The following KIF26B variants were observed in gnomAD, a reference collection of about 807,000 sequenced individuals.
KIF26B encodes kinesin family member 26B.
In KIF26B, 63 loss-of-function variants were observed where a neutral mutation model predicts 151.2. That is an observed-to-expected ratio of 0.42 (90% CI 0.34 to 0.51). KIF26B has a LOEUF of 0.51. Ranked by LOEUF, KIF26B falls within the 20% of genes least tolerant of loss-of-function variation. The pLI is 0.07. For missense variants in KIF26B, 2,813 were observed against 2,913.6 expected (o/e 0.97, Z 0.79); for synonymous variants, 1,357 against 1,262.1 (o/e 1.08, Z -1.59).
rs189930720 is a variant in KIF26B at position 245,280,399 on chromosome 1, C to T, written c.466-86435C>T. On this transcript the variant is annotated intron_variant, in intron 2 of 14. Transcript: ENST00000407071. ...AAAAAAAATTAGCAGGGCATAGTGG[C>T]GGGCGCCTATACTCCCAGTTGCTCG... is the stretch of plus-strand genomic sequence containing the variant. 4.7e-3 allele frequency among the ~76,000 whole-genome samples: 693 copies of T among 148,980 alleles called. 8 individuals carry two copies. The highest frequency in any genetic ancestry group is 0.016 in the African/African-American group (649 of 40,650).
intron 4 of KIF26B, among the ~76,000 whole-genome samples, chr1:245,467,444 T>G (rs1659819955): frequency 6.6e-6 from 1 of 152,168 alleles, no homozygotes; most frequent in African/African-American, 2.4e-5. Flanking sequence ...GGTCTTCTTC[T>G]ATCAGTGAAG....
chr1:245,488,253 T>A lies in KIF26B; in HGVS notation c.1167-52514T>A, dbSNP rs973735956. On this transcript the variant is annotated intron_variant, in intron 4 of 14. Coordinates refer to ENST00000407071, the MANE Select transcript of KIF26B (RefSeq NM_018012.4). This position sits in a 1 kb window ranked among gnomAD's most constrained non-coding sequence, Gnocchi z 4.6. ...ACTTTCCACTGGTACACTGTCTTCA[T>A]TGCTTTGATAGCAACTTTTAGGCTC... Among the ~76,000 whole-genome samples, 1 of 152,076 alleles carries A rather than the reference T, an allele frequency of 6.6e-6. No homozygotes were observed. Among genetic ancestry groups the A allele is most frequent in the Non-Finnish European group, 1.5e-5 (1 of 68,008 alleles).
At chr1:245,425,134 C>T (rs1182397585) in intron 4 of KIF26B, among the ~76,000 whole-genome samples, 1 of 148,916 alleles carries the variant, frequency 6.7e-6, no homozygotes, top group Non-Finnish European at 1.5e-5. Flanking sequence ...ATTAGATTTT[C>T]CCATTTGCTG....
At chr1:245,464,602 G>T (rs1181747805) in intron 4 of KIF26B, among the ~76,000 whole-genome samples, 1 of 148,274 alleles carries the variant, frequency 6.7e-6, no homozygotes, top group African/African-American at 2.5e-5. Context: ...GGTGTGTGCT[G>T]TGCGTGTGGG....
intron 12 of KIF26B, among the ~76,000 whole-genome samples, chr1:245,690,788 C>G (rs2147961310): frequency 6.6e-6 from 1 of 152,130 alleles, no homozygotes; most frequent in South Asian, 2.1e-4. Flanking sequence ...CTCTGCTTTA[C>G]TTCACCCCTC....
chr1:245,468,513 C>T (rs1258469984), intron 4 of KIF26B, among the ~76,000 whole-genome samples: 2 of 152,176 alleles, frequency 1.3e-5, no homozygotes, highest in Admixed American at 6.5e-5. Context: ...AAGAATGGAA[C>T]CATTGCACAA....
chr1:245,664,542 CTTAA>C (rs977174160), intron 10 of KIF26B, among the ~76,000 whole-genome samples: 1 of 151,970 alleles, frequency 6.6e-6, no homozygotes, highest in Non-Finnish European at 1.5e-5. Flanking sequence ...AAAAGGGACA[CTTAA>C]TTATTATTAT....
At position 245,156,584 on chromosome 1, in the gene KIF26B, C is replaced by T. The variant is rs1487147636; in HGVS notation, c.366C>T (p.Gly122=). ...GCAGCGGCGGCGGCTCCTCCCCCGGCTCGGACCGCGGCGTCTGGTGCGAGA... is the reference window on the plus strand; with the variant it reads ...GCAGCGGCGGCGGCTCCTCCCCCGGTTCGGACCGCGGCGTCTGGTGCGAGA... ...GSGSGGGSSP[G]SDRGVWCENC... The change falls in exon 2 of 15, where the codon GGC becomes GGT. Residue 122 remains glycine, a synonymous_variant. Transcript: ENST00000407071. 4 of 1,528,264 alleles carry T rather than the reference C, an allele frequency of 2.6e-6. No homozygotes were observed. In the Admixed American group the frequency reaches 5.9e-5, roughly 23 times the overall value. 94.7% of individuals were successfully genotyped at this position (1,528,264 alleles called of 1,614,324 possible).
At chr1:245,486,489 T>C (rs760659059) in intron 4 of KIF26B, among the ~76,000 whole-genome samples, 10 of 152,172 alleles carry the variant, frequency 6.6e-5, no homozygotes, top group Non-Finnish European at 7.3e-5. Context: ...ATATATACTA[T>C]CTCATTAGTG....
At chr1:245,505,573 C>T (rs972254559) in intron 4 of KIF26B, among the ~76,000 whole-genome samples, 2 of 152,044 alleles carry the variant, frequency 1.3e-5, no homozygotes, top group African/African-American at 2.4e-5. Flanking sequence ...GTAGTAGAGA[C>T]GGGGTTTCAC....
intron 2 of KIF26B, among the ~76,000 whole-genome samples, chr1:245,157,295 C>T (rs1008552520): frequency 1.3e-5 from 2 of 152,228 alleles, no homozygotes; most frequent in African/African-American, 2.4e-5. Flanking sequence ...GCAACCCTGC[C>T]CGCAGTGTGT....
chr1:245,183,860 G>A (rs1014779154), intron 2 of KIF26B, among the ~76,000 whole-genome samples: 1 of 151,942 alleles, frequency 6.6e-6, no homozygotes, highest in East Asian at 1.9e-4. Context: ...AGCCATAATG[G>A]CACCAGGGCA....
intron 3 of KIF26B, among the ~76,000 whole-genome samples, chr1:245,418,818 C>T (rs560557371): frequency 1.3e-5 from 2 of 152,280 alleles, no homozygotes; most frequent in African/African-American, 4.8e-5. Flanking sequence ...TGTATTTCTA[C>T]ACAACATCCT....
intron 2 of KIF26B, among the ~76,000 whole-genome samples, chr1:245,211,169 C>T (rs970495337): frequency 2.8e-4 from 42 of 152,140 alleles, no homozygotes; most frequent in African/African-American, 9.7e-4. Context: ...CCAGCCAAAC[C>T]GGGATCTGGT....
At chr1:245,651,532 G>A (rs958992344) in intron 10 of KIF26B, among the ~76,000 whole-genome samples, 2 of 143,720 alleles carry the variant, frequency 1.4e-5, no homozygotes, top group Admixed American at 1.4e-4. Flanking sequence ...CAGTACTCAA[G>A]GTCTGGGAAG....
In KIF26B at chr1:245,241,624, G is replaced by A. The variant is rs966208405; in HGVS notation, c.465+84941G>A. ...ATGGCCTCAGGAGACAGTGACTCAC[G>A]CTGTGTCCACCTGTGTCATCCTGTG... On this transcript the variant is annotated intron_variant, in intron 2 of 14. Coordinates refer to ENST00000407071, the MANE Select transcript of KIF26B (RefSeq NM_018012.4). This position sits in a 1 kb window ranked among gnomAD's most constrained non-coding sequence, Gnocchi z 5.0. 2.6e-5 allele frequency among the ~76,000 whole-genome samples: 4 copies of A among 152,128 alleles called. No individual in the cohort carries two copies. The highest frequency in any genetic ancestry group is 4.4e-5 in the Non-Finnish European group (3 of 68,028).
rs986489075 is a variant in KIF26B at position 245,705,186 on chromosome 1, T to C, written c.*2580T>C. On this transcript the variant is annotated 3_prime_UTR_variant, in exon 15 of 15. Coordinates refer to ENST00000407071, the MANE Select transcript of KIF26B (RefSeq NM_018012.4). ...TAGCAAGTCAGACTCCTTCCCAAGA[T>C]GGCAATCACAGAACACCTCGCAGGA... The C allele has an allele frequency of 6.6e-6, 1 of 152,212 alleles. No individual in the cohort carries two copies. The highest frequency in any genetic ancestry group is 2.4e-5 in the African/African-American group (1 of 41,458). 9.4% of individuals were successfully genotyped at this position (152,212 alleles called of 1,614,324 possible).
At chr1:245,332,763 A>T (rs1297903901) in intron 2 of KIF26B, among the ~76,000 whole-genome samples, 6 of 152,210 alleles carry the variant, frequency 3.9e-5, no homozygotes, top group Admixed American at 1.3e-4. Context: ...GCTTCCGTTC[A>T]TGGCTCATAA....
At chr1:245,441,242 G>A (rs980424040) in intron 4 of KIF26B, among the ~76,000 whole-genome samples, 1 of 152,170 alleles carries the variant, frequency 6.6e-6, no homozygotes, top group African/African-American at 2.4e-5. Context: ...GGAAGGAGCT[G>A]AGTGTGGAAT....
Sources: gnomAD v4.1 joint callset for allele counts (sites outside exome capture counted in the v4.1 genomes callset) on GRCh38, gnomAD v4.1.1 for gene constraint, Gnocchi (gnomAD v3.1) non-coding constraint, MANE v1.5 for transcripts, NCBI Gene and HGNC (gene_info 2026-07-23, HGNC 2026-07-21) for gene names.